Variants in ZMYM2 observed in about 807,000 individuals in gnomAD.
The protein encoded by ZMYM2 is zinc finger MYM-type protein 2.
In ZMYM2, 56 loss-of-function variants were observed where a neutral mutation model predicts 162.8. The ratio of observed to expected loss-of-function variants is 0.34; its 90% CI spans 0.28 to 0.43. The LOEUF is 0.43. Ranked by LOEUF, ZMYM2 falls within the 20% of genes least tolerant of loss-of-function variation. ZMYM2 has a pLI of 1.00. For missense variants in ZMYM2, 1,275 were observed against 1,621.8 expected, an observed-to-expected ratio of 0.79 and a Z score of 3.67; for synonymous variants, 510 against 541.6, an observed-to-expected ratio of 0.94 and a Z score of 0.81.
At chr13:19,972,351 A>G (rs1308326268) in intron 2 of ZMYM2, among the ~76,000 whole-genome samples, 1 of 152,208 alleles carries the variant, frequency 6.6e-6, no homozygotes, top group Non-Finnish European at 1.5e-5. Flanking sequence ...CCCTGTCTCC[A>G]TTCTGCAAAG....
At chr13:20,038,194 G>A (rs192711130) in intron 12 of ZMYM2, among the ~76,000 whole-genome samples, 6 of 152,164 alleles carry the variant, frequency 3.9e-5, no homozygotes, top group African/African-American at 1.4e-4. Context: ...TCTACTATTG[G>A]TAGGCATTTA....
chr13:20,083,493 T>C, intron 23 of ZMYM2, 163 bp from the exon 24 acceptor site: 4 of 608,578 alleles, frequency 6.6e-6, no homozygotes, highest in Non-Finnish European at 1.1e-5. Context: ...TCTTAAGATG[T>C]CTCAGTTCCT....
intron 2 of ZMYM2, among the ~76,000 whole-genome samples, chr13:19,961,987 T>C (rs1047590370): frequency 1.3e-5 from 2 of 152,222 alleles, no homozygotes. Flanking sequence ...AGTGCATCCT[T>C]TCTAATATCT....
At chr13:19,868,806 AG>A in the ZMYM2 span, among the ~76,000 whole-genome samples, 2 of 152,218 alleles carry the variant, frequency 1.3e-5, no homozygotes, top group Non-Finnish European at 2.9e-5. Flanking sequence ...GCTGGAGTGC[AG>A]TGGCACAATA....
At chr13:20,073,955 A>G (rs1449935789) in intron 21 of ZMYM2, among the ~76,000 whole-genome samples, 1 of 152,076 alleles carries the variant, frequency 6.6e-6, no homozygotes, top group Non-Finnish European at 1.5e-5. Context: ...ATCACCATCT[A>G]TCTCTAGAAC....
chr13:19,987,142 T>A, intron 2 of ZMYM2, among the ~76,000 whole-genome samples: 3 of 142,534 alleles, frequency 2.1e-5, no homozygotes, highest in African/African-American at 5.4e-5. Flanking sequence ...AAAAAAAAAT[T>A]TCAGCAGTTA....
intron 6 of ZMYM2, among the ~76,000 whole-genome samples, chr13:20,007,396 C>G (rs1487718177): frequency 6.6e-6 from 1 of 152,126 alleles, no homozygotes; most frequent in Admixed American, 6.6e-5. Flanking sequence ...CTCAGCCTCC[C>G]AAAGTGGTGG....
intron 2 of ZMYM2, among the ~76,000 whole-genome samples, chr13:19,962,927 TCTC>T (rs913131068): frequency 3.2e-4 from 48 of 151,744 alleles, no homozygotes; most frequent in African/African-American, 1.1e-3. Flanking sequence ...GTTCAAGCAT[TCTC>T]CTGCCTCAGC....
At chr13:20,024,607 A>G (rs1035219833) in intron 7 of ZMYM2, 1 of 224,784 alleles carries the variant, frequency 4.4e-6, no homozygotes, top group African/African-American at 2.2e-5. Flanking sequence ...TTCAAGTTTT[A>G]AACATTTTAT....
chr13:19,975,253 G>A (rs1355000439), intron 2 of ZMYM2, among the ~76,000 whole-genome samples: 2 of 150,054 alleles, frequency 1.3e-5, no homozygotes, highest in Non-Finnish European at 3.0e-5. Context: ...GTGACATTAA[G>A]TACATTCACA....
intron 12 of ZMYM2, among the ~76,000 whole-genome samples, chr13:20,043,435 G>A (rs1954462098): frequency 6.6e-6 from 1 of 152,190 alleles, no homozygotes; most frequent in African/African-American, 2.4e-5. Context: ...TTGCCACAGT[G>A]GTGGATGCAA....
the ZMYM2 span, among the ~76,000 whole-genome samples, chr13:19,893,647 G>A: frequency 6.6e-6 from 1 of 151,754 alleles, no homozygotes; most frequent in Admixed American, 6.6e-5. Flanking sequence ...GGCTGAGGCA[G>A]GAGAATTGCT....
intron 12 of ZMYM2, among the ~76,000 whole-genome samples, 178 bp from the exon 13 acceptor site, chr13:20,051,255 A>ATTTTTTATTTTTGTTTTT (rs1955307665): frequency 7.5e-6 from 1 of 133,796 alleles, no homozygotes; most frequent in Non-Finnish European, 1.6e-5. Flanking sequence ...GTGAAATTGT[A>ATTTTTTATTTTTGTTTTT]TTTTTTTTTT....
chr13:19,906,154 A>C, the ZMYM2 span, among the ~76,000 whole-genome samples: 2 of 151,496 alleles, frequency 1.3e-5, no homozygotes, highest in African/African-American at 4.8e-5. Flanking sequence ...ACATGCCTGT[A>C]ATACCAGCTA....
At chr13:20,010,537 T>C (rs992612537) in intron 6 of ZMYM2, among the ~76,000 whole-genome samples, 2 of 152,310 alleles carry the variant, frequency 1.3e-5, no homozygotes, top group South Asian at 2.1e-4. Flanking sequence ...TGGCCATTTG[T>C]GTATCATCTT....
chr13:19,891,455 G>GT, the ZMYM2 span, among the ~76,000 whole-genome samples: 464 of 143,812 alleles, frequency 3.2e-3, 2 homozygotes, highest in Non-Finnish European at 3.9e-3. Flanking sequence ...CCGTGTGACA[G>GT]TTTTTTTTTT....
chr13:19,959,495 C>T (rs914145982), intron 1 of ZMYM2, among the ~76,000 whole-genome samples: 2 of 152,106 alleles, frequency 1.3e-5, no homozygotes, highest in Admixed American at 6.5e-5. Context: ...TCGCCGACTG[C>T]AGGGGGGGGC....
the ZMYM2 span, among the ~76,000 whole-genome samples, chr13:19,879,218 T>A: frequency 6.6e-6 from 1 of 152,314 alleles, no homozygotes; most frequent in African/African-American, 2.4e-5. Context: ...AATATCCAAT[T>A]TTCCCAGTAT....
chr13:20,058,765 C>T, intron 15 of ZMYM2, 61 bp downstream of exon 15: 1 of 1,587,320 alleles, frequency 6.3e-7, no homozygotes, highest in Non-Finnish European at 8.6e-7. Context: ...TAATGAAATA[C>T]ATGCTTTTCT....
Sources: allele counts gnomAD v4.1 joint callset (sites outside exome capture counted in the v4.1 genomes callset), GRCh38; gene constraint gnomAD v4.1.1; transcripts MANE v1.5; gene names NCBI Gene and HGNC (gene_info 2026-07-23, HGNC 2026-07-21).